DGKB: variants seen among roughly 807,000 people sequenced by gnomAD.
DGKB encodes 90 kDa diacylglycerol kinase.
Under a neutral mutation model 114.3 loss-of-function variants are expected in DGKB, and 67 were observed. The observed-to-expected ratio is 0.59, with a 90% CI of 0.48 to 0.72. DGKB has a LOEUF of 0.72. Among genes scored for constraint, DGKB ranks in the 30% least tolerant of loss-of-function variants. DGKB has a pLI of 0.00. For synonymous variants in DGKB, 398 were observed against 323.1 expected (o/e 1.23, Z -2.49); for missense variants, 907 against 975.2 (o/e 0.93, Z 0.93).
At chr7:14,967,652 TAAAAAAAAAAA>T (rs35965873) in intron 1 of DGKB, among the ~76,000 whole-genome samples, 2 of 101,044 alleles carry the variant, frequency 2.0e-5, no homozygotes, top group African/African-American at 3.7e-5. Context: ...TGTGATTTAT[TAAAAAAAAAAA>T]AAAAAAAAAA....
intron 1 of DGKB, among the ~76,000 whole-genome samples, chr7:14,949,037 T>A (rs901471261): frequency 1.3e-5 from 2 of 151,672 alleles, no homozygotes; most frequent in African/African-American, 4.8e-5. Flanking sequence ...AAACACAAAT[T>A]GAGAAAAGAC....
chr7:14,813,775 T>C (rs550674998), intron 2 of DGKB, among the ~76,000 whole-genome samples: 10 of 152,204 alleles, frequency 6.6e-5, no homozygotes, highest in Non-Finnish European at 7.4e-5. Context: ...TAGTGATTTT[T>C]TAAAATCCTT....
chr7:14,840,542 T>C (rs1847781762), intron 2 of DGKB, among the ~76,000 whole-genome samples: 1 of 152,156 alleles, frequency 6.6e-6, no homozygotes, highest in South Asian at 2.1e-4. Context: ...TTTTAAAACT[T>C]ACAGTGAAGT....
intron 20 of DGKB, among the ~76,000 whole-genome samples, chr7:14,564,543 G>C (rs751755005): frequency 6.6e-6 from 1 of 152,102 alleles, no homozygotes; most frequent in Non-Finnish European, 1.5e-5. Flanking sequence ...GAAGATGTAG[G>C]TCTTCCTAGT....
intron 2 of DGKB, among the ~76,000 whole-genome samples, chr7:14,772,215 T>C (rs1168542838): frequency 6.6e-6 from 1 of 152,150 alleles, no homozygotes; most frequent in African/African-American, 2.4e-5. Context: ...TCAAGGGCCA[T>C]GGTCATTCAT....
chr7:14,930,951 C>T (rs1165974554), intron 1 of DGKB, among the ~76,000 whole-genome samples: 1 of 152,028 alleles, frequency 6.6e-6, no homozygotes, highest in Non-Finnish European at 1.5e-5. Flanking sequence ...TTTTCTTTGT[C>T]TATTGAGATT....
intron 23 of DGKB, among the ~76,000 whole-genome samples, chr7:14,336,427 A>G (rs1810679243): frequency 6.6e-6 from 1 of 152,180 alleles, no homozygotes; most frequent in African/African-American, 2.4e-5. Context: ...TGAGCCTAAC[A>G]TACTTCTGTT....
chr7:14,935,548 A>C (rs1457613744), intron 1 of DGKB, among the ~76,000 whole-genome samples: 1 of 152,182 alleles, frequency 6.6e-6, no homozygotes, highest in African/African-American at 2.4e-5. Flanking sequence ...TAGCAGCAGT[A>C]ATTTTATAGA....
At chr7:14,743,586 A>G (rs1177047034) in intron 4 of DGKB, among the ~76,000 whole-genome samples, 1 of 152,198 alleles carries the variant, frequency 6.6e-6, no homozygotes, top group African/African-American at 2.4e-5. Flanking sequence ...ATAATTTAAC[A>G]TGGTTAGGTA....
rs115056297 is a variant in DGKB, at chr7:14,566,074, T to C, written c.1770+8138A>G. ...TGCCTGTTTTACTTTCCATTATACT[T>C]ATATAATTTAATCACATATAATTGG... is the stretch of plus-strand genomic sequence containing the variant. On this transcript the variant is annotated intron_variant, in intron 20 of 25. Transcript: ENST00000402815. 6.8e-3 allele frequency among the ~76,000 whole-genome samples: 1,040 copies of C among 152,248 alleles called. 16 individuals are homozygous for C. The highest frequency in any genetic ancestry group is 0.024 in the African/African-American group (992 of 41,560).
intron 1 of DGKB, among the ~76,000 whole-genome samples, chr7:14,924,270 C>A (rs968030602): frequency 6.6e-6 from 1 of 152,220 alleles, no homozygotes; most frequent in East Asian, 1.9e-4. Flanking sequence ...CTGTCCTACG[C>A]GTTCTAATAT....
chr7:14,795,840 C>T (rs139219287), intron 2 of DGKB, among the ~76,000 whole-genome samples: 80 of 152,208 alleles, frequency 5.3e-4, no homozygotes, highest in African/African-American at 1.9e-3. Flanking sequence ...TTAATCTGTA[C>T]AAGGGGTCTT....
intron 23 of DGKB, among the ~76,000 whole-genome samples, chr7:14,186,273 T>C (rs1223909615): frequency 1.3e-5 from 2 of 152,222 alleles, no homozygotes; most frequent in Non-Finnish European, 2.9e-5. Flanking sequence ...ATGCTCATCA[T>C]TACTAATGAT....
At chr7:14,220,786 T>C (rs986648568) in intron 23 of DGKB, among the ~76,000 whole-genome samples, 14 of 151,566 alleles carry the variant, frequency 9.2e-5, no homozygotes, top group African/African-American at 3.1e-4. Context: ...TTACATCTTC[T>C]TTAATCTCTT....
At chr7:14,211,524 T>C (rs1266177183) in intron 23 of DGKB, among the ~76,000 whole-genome samples, 2 of 23,924 alleles carry the variant, frequency 8.4e-5, no homozygotes, top group African/African-American at 7.2e-4. Context: ...TACTCTCATG[T>C]TTTGTGATTT....
chr7:14,816,726 T>A (rs977131143), intron 2 of DGKB, among the ~76,000 whole-genome samples: 1 of 152,330 alleles, frequency 6.6e-6, no homozygotes, highest in Non-Finnish European at 1.5e-5. Flanking sequence ...TTTTTACATA[T>A]GCACGAATTT....
intron 1 of DGKB, among the ~76,000 whole-genome samples, chr7:14,949,551 G>A (rs910032165): frequency 1.3e-5 from 2 of 151,976 alleles, no homozygotes; most frequent in Non-Finnish European, 2.9e-5. Flanking sequence ...TATAACAGAA[G>A]TAATAAGAGT....
chr7:14,403,532 C>A (rs181716185), intron 21 of DGKB, among the ~76,000 whole-genome samples: 19 of 136,414 alleles, frequency 1.4e-4, no homozygotes, highest in East Asian at 4.4e-4. Context: ...TTAAAAAAAA[C>A]CCCAAATGCA....
intron 2 of DGKB, among the ~76,000 whole-genome samples, chr7:14,761,228 C>T (rs1316559803): frequency 6.6e-6 from 1 of 152,112 alleles, no homozygotes; most frequent in African/African-American, 2.4e-5. Context: ...AAGGCTGAGG[C>T]CCTGATTTGA....
Sources: allele counts gnomAD v4.1 joint callset (sites outside exome capture counted in the v4.1 genomes callset), GRCh38; gene constraint gnomAD v4.1.1; transcripts MANE v1.5; gene names NCBI Gene and HGNC (gene_info 2026-07-23, HGNC 2026-07-21).